CTSK: variants seen among roughly 807,000 people sequenced by gnomAD.
CTSK encodes cathepsin O.
In CTSK, 26 loss-of-function variants were observed where a neutral mutation model predicts 40.5. That is an observed-to-expected ratio of 0.64 (90% CI 0.47 to 0.89). CTSK has a LOEUF of 0.89. Among genes scored for constraint, CTSK ranks in the 40% least tolerant of loss-of-function variants. CTSK has a pLI of 0.00. For synonymous variants in CTSK, 132 were observed against 143.2 expected (o/e 0.92, Z 0.56); for missense variants, 292 against 400.1 (o/e 0.73, Z 2.30).
chr1:150,800,609 T>C, intron 5 of CTSK: 1 of 215,300 alleles, frequency 4.6e-6, no homozygotes, highest in Non-Finnish European at 1.0e-5. Context: ...GTTAAGGTGG[T>C]GTATTCTTTT....
rs1327498946 is a variant in CTSK at position 150,799,286 on chromosome 1, C to A, written c.785-13G>T. ...TCATAATACACACCTAGAATACAAA[C>A]TACCAGCGTGAGGCTCTATGCAATC... On this transcript the variant is annotated splice_polypyrimidine_tract_variant and intron_variant, in intron 6 of 7. Coordinates refer to ENST00000271651, the MANE Select transcript of CTSK (RefSeq NM_000396.4). The A allele has an allele frequency of 6.3e-7, 1 of 1,577,514 alleles. No individual in the cohort carries two copies.
Position 150,796,473 on chromosome 1 carries a change from C to A in CTSK, c.*326G>T. 1 of 461,888 alleles carries A rather than the reference C, an allele frequency of 2.2e-6. No homozygotes were observed. Among genetic ancestry groups the A allele is most frequent in the Admixed American group, 3.4e-5 (1 of 29,066 alleles). The allele number at this position is 461,888 out of a possible 1,614,324, so 28.6% of individuals were successfully genotyped here. A position where few individuals can be genotyped will look rare whatever the true frequency, so the allele number is the denominator to read the frequency against. On this transcript the variant is annotated 3_prime_UTR_variant, in exon 8 of 8. Coordinates refer to ENST00000271651, the MANE Select transcript of CTSK (RefSeq NM_000396.4). ...ACTAGTCCCGTGAATGAGAATCTAA[C>A]CTATGTGAAAATCTCCAGCCTGTAC...
Position 150,804,096 on chromosome 1 carries a change from G to A in CTSK, c.543C>T (p.Tyr181=). The A allele has an allele frequency of 6.2e-7, 1 of 1,614,138 alleles. No homozygotes were observed. Among genetic ancestry groups the A allele is most frequent in the East Asian group, 2.2e-5 (1 of 44,880 alleles). ...GCACATATTGGAAGGCATTGGTCATGTAGCCCCCTCCACAGCCATCATTCT... is the reference window on the plus strand; with the variant it reads ...GCACATATTGGAAGGCATTGGTCATATAGCCCCCTCCACAGCCATCATTCT... ...VSENDGCGGG[Y]MTNAFQYVQK... is the part of the protein sequence containing the mutation. Residue 181 remains tyrosine (Y), a synonymous_variant, in exon 5 of 8, where the codon TAC becomes TAT. Transcript: ENST00000271651.
chr1:150,800,445 C>T (rs1268068512), intron 5 of CTSK: 2 of 152,756 alleles, frequency 1.3e-5, no homozygotes, highest in Non-Finnish European at 2.9e-5. Flanking sequence ...TCCTTGTGCT[C>T]TCATCAAAGA....
At chr1:150,801,010 G>T (rs1653978888) in intron 5 of CTSK, 1 of 152,354 alleles carries the variant, frequency 6.6e-6, no homozygotes, top group African/African-American at 2.4e-5. Context: ...CTTGGAAATT[G>T]ACTCAAAAAG....
Position 150,799,731 on chromosome 1 carries a change from T to C in CTSK, c.619-22A>G, listed in dbSNP as rs199772972. 8.9e-5 allele frequency: 143 copies of C among 1,611,944 alleles called. 1 individual carries two copies. In the South Asian group the frequency reaches 1.5e-3, roughly 17 times the overall value. On this transcript the variant is annotated intron_variant, in intron 5 of 7. Transcript: ENST00000271651. Reference sequence around the variant, plus strand: ...CTTCCTGGAAGAAACAAGATTGTAATAGGACTAGGACAAAGCAATAGGCAA... The same window carrying C: ...CTTCCTGGAAGAAACAAGATTGTAACAGGACTAGGACAAAGCAATAGGCAA...
rs766465430 is a variant in CTSK, at chr1:150,806,810, CAGA to C, written c.-1-7_-1-5del. 6.2e-6 allele frequency: 10 copies of C among 1,613,544 alleles called. No individual in the cohort carries two copies. The Admixed American group carries it at 1.2e-4, about 19-fold the overall frequency. ...CAGAACCTTGAGCCCCCACATCCTGCAGAAGAATGTAGTTAGGGAAAACTCTTC... is the reference window on the plus strand; with the variant it reads ...CAGAACCTTGAGCCCCCACATCCTGCAGAATGTAGTTAGGGAAAACTCTTC... On this transcript the variant is annotated splice_region_variant and splice_polypyrimidine_tract_variant and intron_variant, in intron 1 of 7. Coordinates refer to ENST00000271651, the MANE Select transcript of CTSK (RefSeq NM_000396.4).
intron 5 of CTSK, 103 bp downstream of exon 5, chr1:150,803,918 A>T: frequency 2.0e-6 from 2 of 1,015,354 alleles, no homozygotes; most frequent in South Asian, 1.3e-5. Flanking sequence ...AAAGCAGGAT[A>T]GGATAACAGA....
chr1:150,802,156 T>C (rs188496456), intron 5 of CTSK, among the ~76,000 whole-genome samples: 17 of 150,958 alleles, frequency 1.1e-4, no homozygotes, highest in Middle Eastern at 3.4e-3. Context: ...CGGGTGCCTA[T>C]AATCCCAGCT....
rs1290426823 is a variant in CTSK at position 150,796,710 on chromosome 1, A to G, written c.*89T>C. On this transcript the variant is annotated 3_prime_UTR_variant, in exon 8 of 8. Transcript: ENST00000271651. ...CAGTATCACCACATCTGCTTCAAAA[A>G]TAGCACACCAACTCCCTTCCAAAGT... 1 of 921,092 alleles carries G rather than the reference A, an allele frequency of 1.1e-6. No homozygotes were observed. Among genetic ancestry groups the G allele is most frequent in the Non-Finnish European group, 1.8e-6 (1 of 547,196 alleles). 57.1% of individuals were successfully genotyped at this position (921,092 alleles called of 1,614,324 possible).
chr1:150,804,212 T>G lies in CTSK; in HGVS notation c.427A>C (p.Ser143Arg). ...QGQCGSCWAF[S>R]SVGALEGQLK... ...TGGCCCTCCAGGGCACCCACAGAGC[T>G]AAAAGCCCAACAGGAACCACACTGA... is the stretch of plus-strand genomic sequence containing the variant. The change falls in exon 5 of 8, where the codon AGC (serine) becomes CGC (arginine). Residue 143 changes from serine to arginine, a missense_variant. Ser to Arg is a moderately radical substitution (Grantham distance 110). Transcript: ENST00000271651. 1 of 1,614,160 alleles carries G rather than the reference T, an allele frequency of 6.2e-7. No homozygotes were observed. Among genetic ancestry groups the G allele is most frequent in the Non-Finnish European group, 8.5e-7 (1 of 1,180,010 alleles).
At chr1:150,805,229 G>T (rs200183027) in intron 4 of CTSK, among the ~76,000 whole-genome samples, 3 of 132,522 alleles carry the variant, frequency 2.3e-5, no homozygotes, top group African/African-American at 5.7e-5. Context: ...AAAAAAATTT[G>T]GGGGGGGGGA....
intron 1 of CTSK, 82 bp from the exon 2 acceptor site, chr1:150,806,888 G>T: frequency 1.1e-5 from 17 of 1,539,890 alleles, no homozygotes; most frequent in Non-Finnish European, 1.5e-5. Context: ...GAAGAGAAAG[G>T]TAGACGGAAA....
chr1:150,807,790 T>C (rs1329898616), intron 1 of CTSK, among the ~76,000 whole-genome samples: 1 of 152,200 alleles, frequency 6.6e-6, no homozygotes, highest in African/African-American at 2.4e-5. Context: ...ACTGGCAAAA[T>C]GTCCAGTAGG....
intron 7 of CTSK, 103 bp downstream of exon 7, chr1:150,799,064 AT>A: frequency 1.2e-6 from 1 of 820,486 alleles, no homozygotes. Flanking sequence ...CTCTGAGATA[AT>A]TTTTTCTTGA....
chr1:150,797,402 G>C (rs1397263089), intron 7 of CTSK, among the ~76,000 whole-genome samples: 1 of 152,204 alleles, frequency 6.6e-6, no homozygotes, highest in Non-Finnish European at 1.5e-5. Context: ...TTTTGAGTGG[G>C]AGAGTGATAT....
chr1:150,807,078 T>TCACACACACACACACACACACA (rs779217637), intron 1 of CTSK, among the ~76,000 whole-genome samples: 6 of 120,598 alleles, frequency 5.0e-5, no homozygotes, highest in East Asian at 2.4e-4. Context: ...TCTCTCTCTC[T>TCACACACACACACACACACACA]CTCACACACA....
chr1:150,804,881 A>C lies in CTSK; in HGVS notation c.400-642T>G, dbSNP rs771272385. ...CCTGTGTTGTTTGGGTTGTGAAAAA[A>C]CTGACATTCTCATGCTAGTAAGAAT... On this transcript the variant is annotated intron_variant, in intron 4 of 7. Coordinates refer to ENST00000271651, the MANE Select transcript of CTSK (RefSeq NM_000396.4). Among the ~76,000 whole-genome samples the C allele has an allele frequency of 5.9e-5, 9 of 152,006 alleles. No homozygotes were observed. In the South Asian group the frequency reaches 1.7e-3, roughly 28 times the overall value.
chr1:150,802,195 T>C (rs1403178589), intron 5 of CTSK, among the ~76,000 whole-genome samples: 1 of 151,138 alleles, frequency 6.6e-6, no homozygotes, highest in Non-Finnish European at 1.5e-5. Context: ...GGAGAATTGC[T>C]TGAATCCAGG....
Sources: gnomAD v4.1 joint callset for allele counts (sites outside exome capture counted in the v4.1 genomes callset) on GRCh38, gnomAD v4.1.1 for gene constraint, MANE v1.5 for transcripts, NCBI Gene and HGNC (gene_info 2026-07-23, HGNC 2026-07-21) for gene names.